Variants in SUCLG2 observed in about 807,000 individuals in gnomAD.
SUCLG2 encodes succinate-CoA ligase GDP-forming subunit beta, also known as succinate--CoA ligase [GDP-forming] subunit beta, mitochondrial.
A neutral mutation model predicts 47.9 loss-of-function variants in SUCLG2; 42 were observed. That is an observed-to-expected ratio of 0.88 (90% confidence interval 0.69 to 1.14). The LOEUF (loss-of-function observed/expected upper bound fraction) is 1.14. Among genes scored for constraint, SUCLG2 ranks in the 50% most tolerant of loss-of-function variants. The pLI is 0.00. For synonymous variants in SUCLG2, 195 were observed against 197.3 expected (o/e 0.99, Z 0.10); for missense variants, 571 against 525.9 (o/e 1.09, Z -0.84).
rs186408153 is a variant in SUCLG2, at chr3:67,584,793, G to A, written c.226+24662C>T. Among the ~76,000 whole-genome samples the A allele has an allele frequency of 4.6e-5, 7 of 152,276 alleles. No homozygotes were observed. The South Asian group carries it at 1.2e-3, about 27-fold the overall frequency. On this transcript the variant is annotated intron_variant, in intron 2 of 10. Transcript: ENST00000307227. ...ACACATCTTTCTTTACACAGTGGCA[G>A]GAAGGGGAAGTGCCGGGCAAAGCAG...
intron 2 of SUCLG2, among the ~76,000 whole-genome samples, chr3:67,556,998 T>C (rs969337269): frequency 1.3e-5 from 2 of 152,222 alleles, no homozygotes; most frequent in Non-Finnish European, 2.9e-5. Flanking sequence ...TTCAGAGACA[T>C]AGGCTTGGAC....
chr3:67,382,562 G>T (rs4258985), intron 10 of SUCLG2, among the ~76,000 whole-genome samples: 8,670 of 152,278 alleles, frequency 0.057, 320 homozygotes, highest in Middle Eastern at 0.13. Context: ...TGTATCACCT[G>T]CAAGTTAAGA....
intron 2 of SUCLG2, among the ~76,000 whole-genome samples, chr3:67,559,260 T>G (rs1707243524): frequency 6.6e-6 from 1 of 152,160 alleles, no homozygotes; most frequent in South Asian, 2.1e-4. Flanking sequence ...GTAAGAAAAC[T>G]ACCTGTATTA....
chr3:67,578,738 A>G (rs2107252843), intron 2 of SUCLG2, among the ~76,000 whole-genome samples: 1 of 152,290 alleles, frequency 6.6e-6, no homozygotes, highest in African/African-American at 2.4e-5. Context: ...TGAGGAAGAA[A>G]GACAAGGCAA....
At chr3:67,462,998 T>C (rs951360672) in intron 9 of SUCLG2, among the ~76,000 whole-genome samples, 4 of 152,142 alleles carry the variant, frequency 2.6e-5, no homozygotes, top group African/African-American at 7.2e-5. Context: ...GGTGTGAAAA[T>C]AGAGAAAATA....
At chr3:67,653,479 C>T (rs2218796) in intron 1 of SUCLG2, among the ~76,000 whole-genome samples, 51,908 of 152,034 alleles carry the variant, frequency 0.34, 9,072 homozygotes, top group Non-Finnish European at 0.36. Flanking sequence ...GATGTCATAA[C>T]CAAAGTTTAG....
At chr3:67,467,858 G>A (rs1255598423) in intron 9 of SUCLG2, among the ~76,000 whole-genome samples, 1 of 152,090 alleles carries the variant, frequency 6.6e-6, no homozygotes, top group Non-Finnish European at 1.5e-5. Flanking sequence ...GATGTAAGAG[G>A]AAACAGAGCG....
chr3:67,583,867 T>C (rs1432870223), intron 2 of SUCLG2, among the ~76,000 whole-genome samples: 1 of 152,228 alleles, frequency 6.6e-6, no homozygotes, highest in Non-Finnish European at 1.5e-5. Context: ...CTTCCTCTTG[T>C]GCTTTTAAGG....
intron 2 of SUCLG2, among the ~76,000 whole-genome samples, chr3:67,599,456 T>C (rs1319556501): frequency 6.6e-6 from 1 of 152,212 alleles, no homozygotes; most frequent in Admixed American, 6.5e-5. Flanking sequence ...AGTAAGAAAT[T>C]CTGAGCAAGA....
intron 10 of SUCLG2, among the ~76,000 whole-genome samples, chr3:67,391,573 T>A (rs973704081): frequency 6.6e-6 from 1 of 152,174 alleles, no homozygotes; most frequent in Non-Finnish European, 1.5e-5. Flanking sequence ...AGAGCAGTAA[T>A]AATGCCTTTA....
chr3:67,361,247 T>G (rs1701800053), intron 10 of SUCLG2, among the ~76,000 whole-genome samples: 1 of 152,172 alleles, frequency 6.6e-6, no homozygotes, highest in Non-Finnish European at 1.5e-5. Flanking sequence ...TTTTCTATTA[T>G]AGAGTTCTCC....
In SUCLG2 at chr3:67,638,587, C is replaced by T. The variant is rs116502737; in HGVS notation, c.84+15916G>A. ...TAAAGAAAGCCAGCAAGTGGACAAT[C>T]GAACATAATTTGGAATTACTGGTCA... is the stretch of plus-strand genomic sequence containing the variant. On this transcript the variant is annotated intron_variant, in intron 1 of 10. Coordinates refer to ENST00000307227, the MANE Select transcript of SUCLG2 (RefSeq NM_003848.4). Among the ~76,000 whole-genome samples the T allele has an allele frequency of 7.1e-3, 1,081 of 152,244 alleles. 3 individuals are homozygous for T. Among genetic ancestry groups the T allele is most frequent in the Non-Finnish European group, 0.011 (772 of 68,018 alleles).
chr3:67,495,658 A>G (rs1705315454), intron 9 of SUCLG2, 140 bp downstream of exon 9: 1 of 1,088,740 alleles, frequency 9.2e-7, no homozygotes, highest in Non-Finnish European at 1.3e-6. Context: ...TCTCAAAAAA[A>G]AAAAAAAAAG....
At chr3:67,372,053 G>A (rs756273136), downstream of SUCLG2, among the ~76,000 whole-genome samples, 6 of 152,152 alleles carry the variant, frequency 3.9e-5, no homozygotes, top group Non-Finnish European at 7.4e-5. Context: ...AGACCAGAGA[G>A]CTATACTGTC....
At position 67,438,227 on chromosome 3, in the gene SUCLG2, G is replaced by A. The variant is rs1336997495; in HGVS notation, c.1063-37376C>T. On this transcript the variant is annotated intron_variant, in intron 9 of 10. Transcript: ENST00000307227. ...ACCAGAATCTTTGGGACACAGCTAA[G>A]GAAGTGTTTAGAGAGAAATTTATAG... is the stretch of plus-strand genomic sequence containing the variant. Among the ~76,000 whole-genome samples the A allele has an allele frequency of 2.0e-5, 3 of 152,082 alleles. No individual in the cohort carries two copies. In the East Asian group the frequency reaches 5.8e-4, roughly 29 times the overall value.
chr3:67,636,092 G>A (rs1022720663), intron 1 of SUCLG2, among the ~76,000 whole-genome samples: 1 of 152,136 alleles, frequency 6.6e-6, no homozygotes, highest in Non-Finnish European at 1.5e-5. Flanking sequence ...CTCATGAACA[G>A]GGACAATACT....
downstream of SUCLG2, among the ~76,000 whole-genome samples, chr3:67,373,667 G>A (rs1397746710): frequency 3.9e-5 from 6 of 152,098 alleles, no homozygotes; most frequent in Admixed American, 6.6e-5. Context: ...ATTTTGGGAG[G>A]TGTCTTAGAA....
At chr3:67,517,800 A>G (rs1292102196) in intron 6 of SUCLG2, among the ~76,000 whole-genome samples, 1 of 152,216 alleles carries the variant, frequency 6.6e-6, no homozygotes. Context: ...TACCATTAAG[A>G]ACAGACCTTT....
intron 1 of SUCLG2, among the ~76,000 whole-genome samples, chr3:67,638,491 C>A (rs1444920995): frequency 6.6e-6 from 1 of 152,178 alleles, no homozygotes; most frequent in Non-Finnish European, 1.5e-5. Context: ...AAACACAGTT[C>A]TTTTGCCTTA....
Sources: allele counts gnomAD v4.1 joint callset (sites outside exome capture counted in the v4.1 genomes callset), GRCh38; gene constraint gnomAD v4.1.1; transcripts MANE v1.5; gene names NCBI Gene and HGNC (gene_info 2026-07-23, HGNC 2026-07-21).